The following BICC1 variants were observed in gnomAD, a reference collection of about 807,000 sequenced individuals.
The protein encoded by BICC1 is BicC family RNA binding protein 1, also known as protein bicaudal C homolog 1.
A neutral mutation model predicts 111.0 loss-of-function variants in BICC1; 43 were observed. That is an observed-to-expected ratio of 0.39 (90% CI 0.30 to 0.50). The LOEUF is 0.50. Among genes scored for constraint, BICC1 ranks in the 20% least tolerant of loss-of-function variants. BICC1 has a pLI of 0.88. For missense variants in BICC1, 1,091 were observed against 1,203.2 expected (o/e 0.91, Z 1.38); for synonymous variants, 467 against 434.4 (o/e 1.07, Z -0.93).
chr10:58,769,400 G>GTATATATATATATATATATATATA (rs1202556984), intron 3 of BICC1, among the ~76,000 whole-genome samples: 24 of 106,572 alleles, frequency 2.3e-4, no homozygotes, highest in South Asian at 6.8e-4. Context: ...GTGTGTGTGT[G>GTATATATATATATATATATATATA]TGTGTATATA....
At chr10:58,657,422 G>A (rs10740750) in intron 2 of BICC1, among the ~76,000 whole-genome samples, 148,337 of 152,208 alleles carry the variant, frequency 0.97, 72,394 homozygotes, top group East Asian at 1. Context: ...TAGTTTTTGT[G>A]TATCTCAGTA....
At chr10:58,573,651 C>T (rs542970422) in intron 1 of BICC1, among the ~76,000 whole-genome samples, 1 of 152,210 alleles carries the variant, frequency 6.6e-6, no homozygotes, top group South Asian at 2.1e-4. Flanking sequence ...CATGCAAACC[C>T]TTATTAATGA....
chr10:58,595,466 T>A (rs1159416992), intron 1 of BICC1, among the ~76,000 whole-genome samples: 1 of 152,154 alleles, frequency 6.6e-6, no homozygotes, highest in African/African-American at 2.4e-5. Context: ...TAATTGGAAG[T>A]AAAACACTCC....
chr10:58,797,805 G>GAACAAC (rs967305109), intron 10 of BICC1, among the ~76,000 whole-genome samples: 2 of 151,756 alleles, frequency 1.3e-5, no homozygotes, highest in African/African-American at 4.8e-5. Flanking sequence ...TGACTCCTTA[G>GAACAAC]AACAACAACA....
At chr10:58,589,838 A>G (rs1844548461) in intron 1 of BICC1, among the ~76,000 whole-genome samples, 1 of 152,068 alleles carries the variant, frequency 6.6e-6, no homozygotes, top group South Asian at 2.1e-4. Context: ...TATGTAGCCC[A>G]GGTTGGAGTG....
chr10:58,745,694 C>T (rs1205971052), intron 3 of BICC1, among the ~76,000 whole-genome samples: 5 of 146,456 alleles, frequency 3.4e-5, no homozygotes, highest in African/African-American at 1.0e-4. Flanking sequence ...TCTTCTGCCT[C>T]CCTCTTCCAC....
chr10:58,524,090 AG>A (rs1280190313), intron 1 of BICC1, among the ~76,000 whole-genome samples: 1 of 152,182 alleles, frequency 6.6e-6, no homozygotes, highest in Non-Finnish European at 1.5e-5. Context: ...GCTCATGGGT[AG>A]GAAGACTCAA....
intron 1 of BICC1, among the ~76,000 whole-genome samples, chr10:58,582,615 T>C (rs1844313756): frequency 6.6e-6 from 1 of 152,180 alleles, no homozygotes; most frequent in Non-Finnish European, 1.5e-5. Context: ...GTGATTATCT[T>C]AGAATTATAG....
chr10:58,644,606 C>T (rs1466829357), intron 2 of BICC1, among the ~76,000 whole-genome samples: 1 of 152,058 alleles, frequency 6.6e-6, no homozygotes, highest in Non-Finnish European at 1.5e-5. Flanking sequence ...ACATCTAGGG[C>T]CACGTTAGAG....
At chr10:58,560,343 TTAACA>T (rs1488375760) in intron 1 of BICC1, among the ~76,000 whole-genome samples, 15 of 152,242 alleles carry the variant, frequency 9.9e-5, no homozygotes, top group Admixed American at 8.5e-4. Context: ...TTCTAGTTTG[TTAACA>T]TAAAGTTGTT....
At chr10:58,706,715 C>T (rs918941472) in intron 3 of BICC1, among the ~76,000 whole-genome samples, 1 of 152,124 alleles carries the variant, frequency 6.6e-6, no homozygotes, top group Non-Finnish European at 1.5e-5. Context: ...TCTTCCTTCC[C>T]ACGCCCTCTC....
intron 3 of BICC1, among the ~76,000 whole-genome samples, chr10:58,718,772 G>C (rs998061509): frequency 1.2e-5 from 1 of 82,782 alleles, no homozygotes; most frequent in African/African-American, 4.4e-5. Context: ...GTGTGCGCGC[G>C]CGCGTGCGCG....
chr10:58,565,710 T>C (rs1843733639), intron 1 of BICC1, among the ~76,000 whole-genome samples: 1 of 152,172 alleles, frequency 6.6e-6, no homozygotes, highest in Non-Finnish European at 1.5e-5. Flanking sequence ...TGCTATCTTC[T>C]TTGACTGATC....
chr10:58,524,399 A>T (rs975066257), intron 1 of BICC1, among the ~76,000 whole-genome samples: 3 of 152,102 alleles, frequency 2.0e-5, no homozygotes, highest in African/African-American at 4.8e-5. Context: ...AATGCCGCAT[A>T]TCTACAACCA....
chr10:58,662,815 G>C (rs1037010672), intron 2 of BICC1, among the ~76,000 whole-genome samples: 15 of 152,118 alleles, frequency 9.9e-5, no homozygotes, highest in Non-Finnish European at 2.1e-4. Flanking sequence ...GAAAAGTATT[G>C]CGAGTTCTGA....
chr10:58,670,237 T>C (rs1006105977), intron 2 of BICC1, among the ~76,000 whole-genome samples: 1 of 152,184 alleles, frequency 6.6e-6, no homozygotes, highest in African/African-American at 2.4e-5. Flanking sequence ...ATCCCTACAC[T>C]TCACCTCATC....
At chr10:58,604,647 C>T (rs114549607) in intron 1 of BICC1, among the ~76,000 whole-genome samples, 2,567 of 151,954 alleles carry the variant, frequency 0.017, 78 homozygotes, top group African/African-American at 0.059. Context: ...GGTAACAGAG[C>T]GGGGGAAAAA....
chr10:58,692,043 A>G (rs971581553), intron 2 of BICC1, among the ~76,000 whole-genome samples: 5 of 152,128 alleles, frequency 3.3e-5, no homozygotes, highest in African/African-American at 1.2e-4. Context: ...TTGAGATCCT[A>G]TGTGCTAGAT....
intron 6 of BICC1, among the ~76,000 whole-genome samples, 163 bp downstream of exon 6, chr10:58,788,586 AATAT>A (rs1843081188): frequency 6.6e-6 from 1 of 152,184 alleles, no homozygotes; most frequent in Admixed American, 6.5e-5. Flanking sequence ...TCATTATCTA[AATAT>A]TTATTGTATA....
Sources: gnomAD v4.1 joint callset for allele counts (sites outside exome capture counted in the v4.1 genomes callset) on GRCh38, gnomAD v4.1.1 for gene constraint, MANE v1.5 for transcripts, NCBI Gene and HGNC (gene_info 2026-07-23, HGNC 2026-07-21) for gene names.